MYH6: variants seen among roughly 807,000 people sequenced by gnomAD.
MYH6 encodes the protein myosin-6.
A neutral mutation model predicts 223.2 loss-of-function variants in MYH6; 126 were observed. The observed-to-expected ratio is 0.56, with a 90% CI of 0.49 to 0.65. MYH6 has a LOEUF of 0.65. Ranked by LOEUF, MYH6 falls within the 30% of genes least tolerant of loss-of-function variation. The probability of loss-of-function intolerance (pLI) is 0.00; values close to 1 mark genes in which losing one functional copy is unlikely to be tolerated. For synonymous variants in MYH6, 978 were observed against 1,010.2 expected (o/e 0.97, Z 0.61); for missense variants, 2,040 against 2,536.4 (o/e 0.80, Z 4.20).
intron 36 of MYH6, among the ~76,000 whole-genome samples, chr14:23,383,990 G>A (rs1890938201): frequency 2.0e-5 from 3 of 152,170 alleles, no homozygotes; most frequent in Middle Eastern, 3.4e-3. Context: ...AACGGGCCAA[G>A]GGCACAGCTC....
At chr14:23,402,350 T>C (rs1452353144) in intron 12 of MYH6, 114 bp downstream of exon 12, 4 of 1,524,482 alleles carry the variant, frequency 2.6e-6, no homozygotes, top group Non-Finnish European at 3.6e-6. Context: ...TCCCTCACCA[T>C]CCCACAACAC....
rs113865605 is a variant in MYH6 at position 23,384,720 on chromosome 14, G to A, written c.5290-3C>T. ...AGCTCCTCTGCCATCATGGCGGCCT[G>A]TGTGCAGGAGAGAGGTGGCAAGGAA... On this transcript the variant is annotated splice_polypyrimidine_tract_variant and splice_region_variant and intron_variant, in intron 35 of 38. Coordinates refer to ENST00000405093, the MANE Select transcript of MYH6 (RefSeq NM_002471.4). 1.2e-6 allele frequency: 2 copies of A among 1,614,150 alleles called. No individual in the cohort carries two copies. Among genetic ancestry groups the A allele is most frequent in the African/African-American group, 1.3e-5 (1 of 74,960 alleles).
intron 32 of MYH6, 52 bp downstream of exon 32, chr14:23,387,477 T>G: frequency 6.2e-7 from 1 of 1,608,100 alleles, no homozygotes; most frequent in South Asian, 1.1e-5. Context: ...GAGGGAGAAG[T>G]GGGAGACAGC....
chr14:23,398,610 G>A, intron 15 of MYH6, 118 bp downstream of exon 15: 1 of 1,195,498 alleles, frequency 8.4e-7, no homozygotes, highest in South Asian at 1.2e-5. Context: ...CCAGGAGGTG[G>A]CTTGACTCAT....
chr14:23,396,291 C>T lies in MYH6; in HGVS notation c.2422G>A (p.Glu808Lys), dbSNP rs1891391434. ...CTTTTCCTCCTGTCTCACCTGCGTTCCACTATCTTCTTGAACTCAATGCGC... is the reference window on the plus strand; with the variant it reads ...CTTTTCCTCCTGTCTCACCTGCGTTTCACTATCTTCTTGAACTCAATGCGC... ...LMRIEFKKIV[E>K]RRDALLVIQW... The change falls in exon 20 of 39, where the codon GAA becomes AAA. Residue 808 changes from glutamate to lysine, a missense_variant. Glu to Lys is a moderately conservative substitution (Grantham distance 56, BLOSUM62 1). This residue lies in a region of MYH6 where 649 missense variants were observed against 877.3 expected (regional missense o/e 0.74). Coordinates refer to ENST00000405093, the MANE Select transcript of MYH6 (RefSeq NM_002471.4). The T allele has an allele frequency of 6.2e-7, 1 of 1,614,156 alleles. No homozygotes were observed.
In MYH6 at chr14:23,407,364, T is replaced by G; in HGVS notation, c.-13-128A>C. ...CCACCCTGGGAGAGGCACCTGCTGTTGCACCCTCCCCTACTCAGGGCTCTG... is the reference window on the plus strand; with the variant it reads ...CCACCCTGGGAGAGGCACCTGCTGTGGCACCCTCCCCTACTCAGGGCTCTG... On this transcript the variant is annotated intron_variant, in intron 2 of 38. Coordinates refer to ENST00000405093, the MANE Select transcript of MYH6 (RefSeq NM_002471.4). The surrounding 1 kb of genome is among the most constrained non-coding windows in gnomAD (Gnocchi z 5.6). The G allele has an allele frequency of 8.4e-7, 1 of 1,192,124 alleles. No individual in the cohort carries two copies. Among genetic ancestry groups the G allele is most frequent in the Non-Finnish European group, 1.2e-6 (1 of 832,784 alleles). 73.8% of individuals were successfully genotyped at this position (1,192,124 alleles called of 1,614,324 possible).
In MYH6 at chr14:23,388,904, T is replaced by C; in HGVS notation, c.4130A>G (p.Tyr1377Cys). ...NSEVAQWRTKYETDAIQRTEE... is the reference protein window; with the variant it reads ...NSEVAQWRTKCETDAIQRTEE... ...AGTCCGCTGAATGGCGTCCGTCTCA[T>C]ACTTGGTCCTCCACTGGGCCACCTC... is the stretch of plus-strand genomic sequence containing the variant. Residue 1377 changes from tyrosine to cysteine, a missense_variant, in exon 29 of 39, where the codon TAT becomes TGT. By Grantham distance (194) the Tyr-to-Cys change is radical. Around this residue, in one of 4 missense-constraint regions of MYH6, gnomAD observed 1,203 missense variants for 1,400.2 expected, o/e 0.86. Coordinates refer to ENST00000405093, the MANE Select transcript of MYH6 (RefSeq NM_002471.4). 1 of 1,613,802 alleles carries C rather than the reference T, an allele frequency of 6.2e-7. No individual in the cohort carries two copies. Among genetic ancestry groups the C allele is most frequent in the Non-Finnish European group, 8.5e-7 (1 of 1,180,040 alleles).
chr14:23,381,997 ATATT>A lies in MYH6; in HGVS notation c.*39_*42del. 6.2e-7 allele frequency: 1 copy of A among 1,614,142 alleles called. No individual in the cohort carries two copies. The highest frequency in any genetic ancestry group is 1.1e-5 in the South Asian group (1 of 91,078). On this transcript the variant is annotated 3_prime_UTR_variant, in exon 39 of 39. Coordinates refer to ENST00000405093, the MANE Select transcript of MYH6 (RefSeq NM_002471.4). ...TGGGCTCAGGCAGAGTTTGGCACTC[ATATT>A]TATTACAGGTTGGCAAGAGTGAGGT...
rs762303505 is a variant in MYH6, at chr14:23,407,123, C to T, written c.101G>A (p.Arg34His). 20 of 1,614,140 alleles carry T rather than the reference C, an allele frequency of 1.2e-5. No homozygotes were observed. Among genetic ancestry groups the T allele is most frequent in the Non-Finnish European group, 1.5e-5 (18 of 1,180,066 alleles). The change falls in exon 3 of 39, where the codon CGC (arginine) becomes CAC (histidine). Residue 34 changes from arginine (R) to histidine (H), a missense_variant. Physicochemically the swap from Arg to His is conservative, Grantham distance 29. This residue lies in a region of MYH6 where 184 missense variants were observed against 232.4 expected (regional missense o/e 0.79). Transcript: ENST00000405093. The surrounding 1 kb of genome is among the most constrained non-coding windows in gnomAD (Gnocchi z 5.6). ...GTCATCGGGCACGAAGCACTCAGTG[C>T]GAATGTCAAAGGGCCGGGTCTGGGC... ...LEAQTRPFDI[R>H]TECFVPDDKE...
In MYH6 at chr14:23,405,370, C is replaced by T; in HGVS notation, c.355G>A (p.Gly119Ser). Residue 119 changes from glycine (G) to serine (S), a missense_variant, in exon 5 of 39, where the codon GGC (glycine) becomes AGC (serine). Around this residue, in one of 4 missense-constraint regions of MYH6, gnomAD observed 184 missense variants for 232.4 expected, o/e 0.79. Transcript: ENST00000405093. The surrounding 1 kb of genome is among the most constrained non-coding windows in gnomAD (Gnocchi z 4.7). The stretch of plus-strand genomic sequence containing the variant: ...GGGTTGACAGTGACACAGAAGAGGC[C>T]CGAGTAGGTCTGGAGCAGGAGACAA... ...YAAWMIYTYS[G>S]LFCVTVNPYK... 6.2e-7 allele frequency: 1 copy of T among 1,614,100 alleles called. No individual in the cohort carries two copies. Among genetic ancestry groups the T allele is most frequent in the East Asian group, 2.2e-5 (1 of 44,874 alleles).
Position 23,386,633 on chromosome 14 carries a change from G to A in MYH6, c.4651-10C>T, listed in dbSNP as rs765954093. 1 of 1,604,080 alleles carries A rather than the reference G, an allele frequency of 6.2e-7. No individual in the cohort carries two copies. Among genetic ancestry groups the A allele is most frequent in the South Asian group, 1.1e-5 (1 of 89,702 alleles). Reference sequence around the variant, plus strand: ...CGTGCTCCAGGGAGGCCTGGGAAGGGGTGGGGCGAGGGCGGGCAGACAGGG... The same window carrying A: ...CGTGCTCCAGGGAGGCCTGGGAAGGAGTGGGGCGAGGGCGGGCAGACAGGG... On this transcript the variant is annotated splice_polypyrimidine_tract_variant and intron_variant, in intron 32 of 38. Coordinates refer to ENST00000405093, the MANE Select transcript of MYH6 (RefSeq NM_002471.4).
In MYH6 at chr14:23,404,281, G is replaced by T. The variant is rs368410015; in HGVS notation, c.735+15C>A. The T allele has an allele frequency of 6.2e-7, 1 of 1,613,854 alleles. No individual in the cohort carries two copies. ...AGGCTGGATGAGGCCACTGGGAGTG[G>T]TCAAAGGCACTCACAAAGCGGGAGG... On this transcript the variant is annotated intron_variant, in intron 8 of 38. Coordinates refer to ENST00000405093, the MANE Select transcript of MYH6 (RefSeq NM_002471.4).
At chr14:23,395,171 A>G (rs142753407) in intron 20 of MYH6, among the ~76,000 whole-genome samples, 1 of 152,274 alleles carries the variant, frequency 6.6e-6, no homozygotes, top group African/African-American at 2.4e-5. Context: ...AGCCATATGT[A>G]TGTATCTTTA....
intron 30 of MYH6, 54 bp from the exon 31 acceptor site, chr14:23,387,977 T>C (rs1365420513): frequency 6.2e-7 from 1 of 1,609,376 alleles, no homozygotes; most frequent in Non-Finnish European, 8.5e-7. Flanking sequence ...TCCCCAGCCC[T>C]CCTGCTTCCC....
rs1595064357 is a variant in MYH6, at chr14:23,405,154, G to A, written c.503-27C>T. 1 of 1,613,926 alleles carries A rather than the reference G, an allele frequency of 6.2e-7. No individual in the cohort carries two copies. Among genetic ancestry groups the A allele is most frequent in the African/African-American group, 1.3e-5 (1 of 74,920 alleles). On this transcript the variant is annotated intron_variant, in intron 5 of 38. Transcript: ENST00000405093. This position sits in a 1 kb window ranked among gnomAD's most constrained non-coding sequence, Gnocchi z 4.7. The stretch of plus-strand genomic sequence containing the variant: ...TGGAAGAAAAAAGAGGAGAAGCAAT[G>A]GGGTCAGGGCTGAGGATCTGGGTGG...
Position 23,397,082 on chromosome 14 carries a change from T to C in MYH6, c.2051-2A>G, listed in dbSNP as rs2138604704. On this transcript the variant is annotated splice_acceptor_variant, in intron 17 of 38. Coordinates refer to ENST00000405093, the MANE Select transcript of MYH6 (RefSeq NM_002471.4). LOFTEE classifies it high-confidence loss of function. ...TGACCAGGGGGTTGTCCATCACCCC[T>C]GTGTCAGGAGGGAAGGGGAAAGGGT... 7 of 1,614,182 alleles carry C rather than the reference T, an allele frequency of 4.3e-6. No homozygotes were observed. The highest frequency in any genetic ancestry group is 5.9e-6 in the Non-Finnish European group (7 of 1,180,024).
chr14:23,406,371 C>A (rs1258359814), intron 3 of MYH6, among the ~76,000 whole-genome samples: 1 of 152,190 alleles, frequency 6.6e-6, no homozygotes, highest in African/African-American at 2.4e-5. Context: ...TTTGCCTGCA[C>A]AGTGACTAGC....
chr14:23,406,513 GGGTGAT>G (rs1891793524), intron 3 of MYH6, among the ~76,000 whole-genome samples: 3 of 152,164 alleles, frequency 2.0e-5, no homozygotes, highest in Non-Finnish European at 4.4e-5. Context: ...TGGTAACCAG[GGGTGAT>G]TCTCTTGGCT....
chr14:23,397,406 T>C, intron 16 of MYH6, 137 bp downstream of exon 16: 1 of 1,272,614 alleles, frequency 7.9e-7, no homozygotes, highest in Admixed American at 1.7e-5. Context: ...TTTTGTGGAA[T>C]CTACACACTA....
Sources: allele counts gnomAD v4.1 joint callset (sites outside exome capture counted in the v4.1 genomes callset), GRCh38; gene constraint gnomAD v4.1.1; regional missense constraint gnomAD v4.1.1; non-coding constraint Gnocchi (gnomAD v3.1); transcripts MANE v1.5; gene names NCBI Gene and HGNC (gene_info 2026-07-23, HGNC 2026-07-21).